Variants in SLC25A26 observed in about 807,000 individuals in gnomAD.
SLC25A26 encodes the protein mitochondrial S-adenosylmethionine carrier protein.
SLC25A26 carries 36 observed loss-of-function variants against 37.8 expected under a neutral mutation model. The observed-to-expected ratio is 0.95, with a 90% confidence interval of 0.73 to 1.26. The LOEUF is 1.26. SLC25A26 is among the 50% of genes most tolerant of loss of function. The probability of loss-of-function intolerance (pLI) is 0.00; values close to 1 mark genes in which losing one functional copy is unlikely to be tolerated. For synonymous variants in SLC25A26, 129 were observed against 122.5 expected (o/e 1.05, Z -0.35); for missense variants, 390 against 331.1 (o/e 1.18, Z -1.38).
intron 5 of SLC25A26, among the ~76,000 whole-genome samples, chr3:66,340,900 G>A (rs945609170): frequency 2.1e-4 from 32 of 151,444 alleles, no homozygotes; most frequent in East Asian, 5.8e-4. Flanking sequence ...AAAAAAAGTC[G>A]TTTTTCATTT....
chr3:66,241,147 A>G (rs886667631), intron 2 of SLC25A26, among the ~76,000 whole-genome samples: 11 of 104,446 alleles, frequency 1.1e-4, no homozygotes, highest in Admixed American at 8.3e-4. Flanking sequence ...ATATTTATTG[A>G]AAAAAAGCCA....
At chr3:66,315,315 C>T (rs987822791) in intron 5 of SLC25A26, among the ~76,000 whole-genome samples, 9 of 151,974 alleles carry the variant, frequency 5.9e-5, no homozygotes, top group African/African-American at 1.7e-4. Context: ...GATTCTGATA[C>T]GTTGTTTCTT....
At chr3:66,290,112 G>A (rs945483557) in intron 5 of SLC25A26, among the ~76,000 whole-genome samples, 1 of 151,352 alleles carries the variant, frequency 6.6e-6, no homozygotes, top group African/African-American at 2.4e-5. Flanking sequence ...TTATTTGGCT[G>A]TTTATCTATT....
At chr3:66,308,211 CT>C (rs2075279887) in intron 5 of SLC25A26, among the ~76,000 whole-genome samples, 2 of 152,100 alleles carry the variant, frequency 1.3e-5, no homozygotes, top group South Asian at 4.2e-4. Context: ...TTAAGAGGTC[CT>C]TCACATCTCT....
chr3:66,138,653 G>A (rs933949579), intron 1 of SLC25A26, among the ~76,000 whole-genome samples: 2 of 151,600 alleles, frequency 1.3e-5, no homozygotes, highest in African/African-American at 2.4e-5. Flanking sequence ...GGGGAGGGGG[G>A]GTAGGGATGT....
At chr3:66,234,313 A>C (rs559172237) in intron 1 of SLC25A26, among the ~76,000 whole-genome samples, 5 of 152,182 alleles carry the variant, frequency 3.3e-5, no homozygotes, top group Non-Finnish European at 7.3e-5. Flanking sequence ...AGTTTTGACA[A>C]TTGGCCTTTT....
chr3:66,162,104 A>T (rs903254866), intron 1 of SLC25A26, among the ~76,000 whole-genome samples: 1 of 152,116 alleles, frequency 6.6e-6, no homozygotes, highest in Admixed American at 6.5e-5. Context: ...GGTTTCTCCT[A>T]AGGCCTCTTA....
chr3:66,370,744 ATGT>A (rs1700305463), intron 9 of SLC25A26, 142 bp downstream of exon 9: 3 of 656,038 alleles, frequency 4.6e-6, no homozygotes, highest in South Asian at 3.8e-5. Context: ...ATTATAGTTG[ATGT>A]TGTATATATG....
chr3:66,356,616 A>C (rs1017630083), intron 6 of SLC25A26, among the ~76,000 whole-genome samples: 4 of 151,964 alleles, frequency 2.6e-5, no homozygotes, highest in Non-Finnish European at 2.9e-5. Context: ...TGGGTGAAGG[A>C]TATGTGGGAA....
intron 5 of SLC25A26, among the ~76,000 whole-genome samples, chr3:66,268,346 T>A (rs2073835407): frequency 6.6e-6 from 1 of 152,224 alleles, no homozygotes; most frequent in Non-Finnish European, 1.5e-5. Flanking sequence ...TTTAGGGAAG[T>A]ACCAATTGAC....
At position 66,355,084 on chromosome 3, in the gene SLC25A26, C is replaced by T. The variant is rs140510602; in HGVS notation, c.499-7776C>T. ...CCCCCAGTCAGAATAAATATCCCCC[C>T]ACATATCTAAAATCTAGCCCAGTCA... On this transcript the variant is annotated intron_variant, in intron 6 of 9. Coordinates refer to ENST00000354883, the MANE Select transcript of SLC25A26 (RefSeq NM_001379210.1). Among the ~76,000 whole-genome samples the T allele has an allele frequency of 5.5e-3, 833 of 152,178 alleles. 10 individuals carry two copies. The highest frequency in any genetic ancestry group is 0.015 in the African/African-American group (632 of 41,522).
chr3:66,187,547 A>ACCCTTT (rs1335845302), intron 1 of SLC25A26, among the ~76,000 whole-genome samples: 117 of 151,772 alleles, frequency 7.7e-4, no homozygotes, highest in African/African-American at 2.8e-3. Flanking sequence ...CCCTGACTCT[A>ACCCTTT]CCCTTACCCT....
chr3:66,369,572 C>T (rs1278327001), intron 8 of SLC25A26, 30 bp downstream of exon 8: 3 of 1,529,556 alleles, frequency 2.0e-6, no homozygotes, highest in Non-Finnish European at 1.8e-6. Flanking sequence ...AATGGAGATA[C>T]TTCAGATGCT....
chr3:66,350,439 A>G (rs1268393080), intron 6 of SLC25A26, among the ~76,000 whole-genome samples: 2 of 152,018 alleles, frequency 1.3e-5, no homozygotes, highest in Non-Finnish European at 2.9e-5. Context: ...AATTTTGTTG[A>G]CTTCACTGTT....
intron 1 of SLC25A26, among the ~76,000 whole-genome samples, chr3:66,234,445 A>G (rs2072179496): frequency 6.6e-6 from 1 of 152,194 alleles, no homozygotes; most frequent in Non-Finnish European, 1.5e-5. Flanking sequence ...CTACTGGCAC[A>G]TCTCTGTGCC....
intron 1 of SLC25A26, among the ~76,000 whole-genome samples, chr3:66,201,074 GA>G (rs2071102295): frequency 6.6e-6 from 1 of 152,134 alleles, no homozygotes; most frequent in Admixed American, 6.5e-5. Flanking sequence ...ACAATGGACT[GA>G]CTGTTCTTTG....
chr3:66,272,688 A>G (rs1378120970), intron 5 of SLC25A26, among the ~76,000 whole-genome samples: 1 of 152,224 alleles, frequency 6.6e-6, no homozygotes, highest in Middle Eastern at 3.4e-3. Flanking sequence ...GCATGCACTG[A>G]TGTTTGAAAT....
chr3:66,247,467 C>A (rs1186933719), intron 3 of SLC25A26, among the ~76,000 whole-genome samples: 4 of 151,976 alleles, frequency 2.6e-5, no homozygotes, highest in African/African-American at 9.7e-5. Context: ...GCCACTATGC[C>A]TGGCTAATTT....
chr3:66,229,875 CTG>C (rs2071929718), intron 1 of SLC25A26, among the ~76,000 whole-genome samples: 1 of 150,368 alleles, frequency 6.7e-6, no homozygotes, highest in Admixed American at 6.6e-5. Flanking sequence ...AAAAAAAAAA[CTG>C]AATGTACACA....
Sources: gnomAD v4.1 joint callset for allele counts (sites outside exome capture counted in the v4.1 genomes callset) on GRCh38, gnomAD v4.1.1 for gene constraint, MANE v1.5 for transcripts, NCBI Gene and HGNC (gene_info 2026-07-23, HGNC 2026-07-21) for gene names.